UCN3: variants seen among roughly 807,000 people sequenced by gnomAD.
UCN3 encodes urocortin 3.
A neutral mutation model predicts 3.6 loss-of-function variants in UCN3; 3 were observed. That is an observed-to-expected ratio of 0.83 (90% CI 0.38 to 2.15). The LOEUF (loss-of-function observed/expected upper bound fraction) is 2.15. Among genes scored for constraint, UCN3 ranks in the 30% most tolerant of loss-of-function variants. The probability of loss-of-function intolerance (pLI) is 0.06; values close to 1 mark genes in which losing one functional copy is unlikely to be tolerated. For synonymous variants in UCN3, 100 were observed against 93.2 expected (o/e 1.07, Z -0.42); for missense variants, 206 against 208.3 (o/e 0.99, Z 0.07).
At position 5,370,223 on chromosome 10, in the gene UCN3, G is replaced by GCGTGTGTGTA. The variant is rs1554811150; in HGVS notation, c.-6-3492_-6-3491insCGTGTGTGTA. Reference sequence around the variant, plus strand: ...TATATGCGTGTGTATGTGTGTGTATGTGCGTGTGTGTATGCGTGTGTGTAT... The same window carrying GCGTGTGTGTA: ...TATATGCGTGTGTATGTGTGTGTATGCGTGTGTGTATGCGTGTGTGTATGCGTGTGTGTAT... On this transcript the variant is annotated intron_variant, in intron 1 of 1. Transcript: ENST00000380433. Among the ~76,000 whole-genome samples the GCGTGTGTGTA allele has an allele frequency of 3.3e-3, 45 of 13,776 alleles. 5 individuals are homozygous for GCGTGTGTGTA. Among genetic ancestry groups the GCGTGTGTGTA allele is most frequent in the Non-Finnish European group, 4.3e-3 (39 of 9,050 alleles). 9.0% of individuals were successfully genotyped at this position (13,776 alleles called of 152,430 possible). A position where few individuals can be genotyped will look rare whatever the true frequency, so the allele number is the denominator to read the frequency against.
chr10:5,365,715 C>T lies in UCN3; in HGVS notation c.-7+485C>T, dbSNP rs538946198. Among the ~76,000 whole-genome samples the T allele has an allele frequency of 1.8e-4, 28 of 152,308 alleles. No homozygotes were observed. The highest frequency in any genetic ancestry group is 6.5e-4 in the African/African-American group (27 of 41,568). Reference sequence around the variant, plus strand: ...CACCTGTGCCATCTCCCGTCACTCTCGGGCACACCTGTGAAGCAGGTAACG... The same window carrying T: ...CACCTGTGCCATCTCCCGTCACTCTTGGGCACACCTGTGAAGCAGGTAACG... On this transcript the variant is annotated intron_variant, in intron 1 of 1. Coordinates refer to ENST00000380433, the MANE Select transcript of UCN3 (RefSeq NM_053049.4). This position sits in a 1 kb window ranked among gnomAD's most constrained non-coding sequence, Gnocchi z 4.4.
At chr10:5,370,302 TGTATATGC>T (rs1241383028) in intron 1 of UCN3, among the ~76,000 whole-genome samples, 1 of 76,402 alleles carries the variant, frequency 1.3e-5, no homozygotes, top group Non-Finnish European at 2.5e-5. Context: ...TGTATGCGTG[TGTATATGC>T]GTGTATGTGT....
At chr10:5,372,209 A>AGG (rs1554811614) in intron 1 of UCN3, among the ~76,000 whole-genome samples, 22 of 152,182 alleles carry the variant, frequency 1.4e-4, no homozygotes, top group African/African-American at 5.3e-4. Flanking sequence ...GGCAAAAAGG[A>AGG]CTGACTGCAG....
At chr10:5,371,318 T>C (rs1554811543) in intron 1 of UCN3, among the ~76,000 whole-genome samples, 2 of 149,420 alleles carry the variant, frequency 1.3e-5, no homozygotes, top group Non-Finnish European at 2.9e-5. Flanking sequence ...TATGTGTATG[T>C]ACGTGTAAGG....
rs1194968486 is a variant in UCN3, at chr10:5,370,644, T to A, written c.-6-3071T>A. On this transcript the variant is annotated intron_variant, in intron 1 of 1. Transcript: ENST00000380433. ...GTATATGCGTGTGTATGTGTGTGTA[T>A]ATGTGTGTGTATGTGTGTGTATGTG... Among the ~76,000 whole-genome samples the A allele has an allele frequency of 1.6e-4, 10 of 60,684 alleles. 2 individuals carry two copies. The highest frequency in any genetic ancestry group is 2.6e-4 in the Non-Finnish European group (8 of 31,280). 39.8% of individuals were successfully genotyped at this position (60,684 alleles called of 152,430 possible).
In UCN3 at chr10:5,370,727, C is replaced by T. The variant is rs199529421; in HGVS notation, c.-6-2988C>T. Among the ~76,000 whole-genome samples, 17 of 82,876 alleles carry T rather than the reference C, an allele frequency of 2.1e-4. 1 individual carries two copies. The highest frequency in any genetic ancestry group is 4.8e-4 in the East Asian group (1 of 2,068). 54.4% of individuals were successfully genotyped at this position (82,876 alleles called of 152,430 possible). A position where few individuals can be genotyped will look rare whatever the true frequency, so the allele number is the denominator to read the frequency against. ...TGTGTATATGATGTGTGTGTATATG[C>T]GTGTGTATATGTGTGTGTATATGAT... On this transcript the variant is annotated intron_variant, in intron 1 of 1. Coordinates refer to ENST00000380433, the MANE Select transcript of UCN3 (RefSeq NM_053049.4).
At chr10:5,371,337 T>G (rs1427677745) in intron 1 of UCN3, among the ~76,000 whole-genome samples, 1 of 151,894 alleles carries the variant, frequency 6.6e-6, no homozygotes, top group Non-Finnish European at 1.5e-5. Flanking sequence ...GGTGTGTATA[T>G]GCACATGTGT....
rs531427854 is a variant in UCN3, at chr10:5,366,115, G to A, written c.-7+885G>A. ...GAATAGCTCTGCACTTGGCAGAGATGTGTGATCAGTACTGTTTGCCTCCTG... is the reference window on the plus strand; with the variant it reads ...GAATAGCTCTGCACTTGGCAGAGATATGTGATCAGTACTGTTTGCCTCCTG... On this transcript the variant is annotated intron_variant, in intron 1 of 1. Coordinates refer to ENST00000380433, the MANE Select transcript of UCN3 (RefSeq NM_053049.4). This position sits in a 1 kb window ranked among gnomAD's most constrained non-coding sequence, Gnocchi z 4.2. 1.7e-4 allele frequency among the ~76,000 whole-genome samples: 26 copies of A among 152,332 alleles called. No individual in the cohort carries two copies. The highest frequency in any genetic ancestry group is 5.5e-4 in the African/African-American group (23 of 41,568).
At chr10:5,370,368 TGTGTATATGCGTGTATATGC>T (rs1309221025) in intron 1 of UCN3, among the ~76,000 whole-genome samples, 150 of 14,756 alleles carry the variant, frequency 0.01, 38 homozygotes, top group Non-Finnish European at 0.019. Context: ...TGTATATGCG[TGTGTATATGCGTGTATATGC>T]GTGTGTATAT....
In UCN3 at chr10:5,372,716, A is replaced by ATTTTT. The variant is rs1156663637; in HGVS notation, c.-6-984_-6-980dup. 1.0e-4 allele frequency among the ~76,000 whole-genome samples: 13 copies of ATTTTT among 127,662 alleles called. 1 individual carries two copies. The highest frequency in any genetic ancestry group is 7.0e-4 in the East Asian group (3 of 4,268). The allele number at this position is 127,662 out of a possible 152,430, so 83.8% of individuals were successfully genotyped here. A position where few individuals can be genotyped will look rare whatever the true frequency, so the allele number is the denominator to read the frequency against. ...AGGTGCACACCACCACGCCCAGCTA[A>ATTTTT]TTTTTTTTTTTTTTTTTTTGTAGAG... On this transcript the variant is annotated intron_variant, in intron 1 of 1. Coordinates refer to ENST00000380433, the MANE Select transcript of UCN3 (RefSeq NM_053049.4).
At chr10:5,369,919 G>GTTCA (rs1564442077) in intron 1 of UCN3, among the ~76,000 whole-genome samples, 1 of 127,454 alleles carries the variant, frequency 7.8e-6, no homozygotes, top group African/African-American at 3.1e-5. Context: ...GTGTATATGT[G>GTTCA]TGTGTATGTG....
intron 1 of UCN3, among the ~76,000 whole-genome samples, chr10:5,370,897 G>T (rs556467190): frequency 9.0e-6 from 1 of 111,486 alleles, no homozygotes; most frequent in Non-Finnish European, 2.0e-5. Flanking sequence ...GTGTATATGC[G>T]TGTGTATATG....
intron 1 of UCN3, among the ~76,000 whole-genome samples, chr10:5,368,102 C>G (rs1352220738): frequency 6.6e-6 from 1 of 152,286 alleles, no homozygotes; most frequent in East Asian, 1.9e-4. Context: ...CTCCCAGGCT[C>G]AAGCAATTCT....
At chr10:5,371,892 C>A (rs1554811595) in intron 1 of UCN3, among the ~76,000 whole-genome samples, 1 of 151,844 alleles carries the variant, frequency 6.6e-6, no homozygotes, top group Admixed American at 6.5e-5. Flanking sequence ...CCAAGTATGT[C>A]TTCGGTAATA....
intron 1 of UCN3, among the ~76,000 whole-genome samples, chr10:5,368,770 G>T (rs1222210066): frequency 6.6e-6 from 1 of 152,118 alleles, no homozygotes; most frequent in African/African-American, 2.4e-5. Context: ...AACTCATTAG[G>T]TCCTCTGTAA....
intron 1 of UCN3, among the ~76,000 whole-genome samples, chr10:5,370,947 G>T (rs1554811459): frequency 1.1e-5 from 1 of 93,900 alleles, no homozygotes; most frequent in East Asian, 2.9e-4. Context: ...TCATGTGTAT[G>T]TGTGTAAGGT....
At chr10:5,370,588 T>A (rs1458596694) in intron 1 of UCN3, among the ~76,000 whole-genome samples, 1 of 122,852 alleles carries the variant, frequency 8.1e-6, no homozygotes, top group Non-Finnish European at 1.7e-5. Context: ...TATGTGTGTA[T>A]ATGTGTGTGT....
intron 1 of UCN3, among the ~76,000 whole-genome samples, chr10:5,370,818 T>C (rs1180255473): frequency 1.8e-5 from 2 of 110,032 alleles, no homozygotes; most frequent in African/African-American, 7.3e-5. Flanking sequence ...TGTGTGCGTG[T>C]GTGTGCGCGC....
intron 1 of UCN3, 102 bp from the exon 2 acceptor site, chr10:5,373,613 T>G: frequency 6.6e-7 from 1 of 1,508,828 alleles, no homozygotes. Flanking sequence ...GGAGAACCCT[T>G]GTAGTGGAAC....
Sources: allele counts gnomAD v4.1 joint callset (sites outside exome capture counted in the v4.1 genomes callset), GRCh38; gene constraint gnomAD v4.1.1; non-coding constraint Gnocchi (gnomAD v3.1); transcripts MANE v1.5; gene names NCBI Gene and HGNC (gene_info 2026-07-23, HGNC 2026-07-21).